The following ATRNL1 variants were observed in gnomAD, a reference collection of about 807,000 sequenced individuals.
The protein encoded by ATRNL1 is attractin-like protein 1.
A neutral mutation model predicts 182.7 loss-of-function variants in ATRNL1; 95 were observed. The observed-to-expected ratio is 0.52, with a 90% CI of 0.44 to 0.62. ATRNL1 has a LOEUF of 0.62. Among genes scored for constraint, ATRNL1 ranks in the 20% least tolerant of loss-of-function variants. The probability of loss-of-function intolerance (pLI) is 0.00; values close to 1 mark genes in which losing one functional copy is unlikely to be tolerated. For synonymous variants in ATRNL1, 576 were observed against 568.3 expected (o/e 1.01, Z -0.19); for missense variants, 1,471 against 1,679.5 (o/e 0.88, Z 2.17).
intron 27 of ATRNL1, chr10:115,820,076 C>A (rs1432483458): frequency 6.6e-6 from 1 of 152,080 alleles, no homozygotes; most frequent in Non-Finnish European, 1.5e-5. Flanking sequence ...CAATATTAGG[C>A]TGCTCTCTTT....
chr10:115,147,481 A>AT (rs1564774008), intron 5 of ATRNL1, among the ~76,000 whole-genome samples: 1 of 151,922 alleles, frequency 6.6e-6, no homozygotes, highest in Non-Finnish European at 1.5e-5. Context: ...ATATAGTCTC[A>AT]TTTGTCTATT....
At chr10:115,256,600 T>C (rs1266413324) in intron 10 of ATRNL1, among the ~76,000 whole-genome samples, 3 of 152,194 alleles carry the variant, frequency 2.0e-5, no homozygotes, top group African/African-American at 7.2e-5. Flanking sequence ...CTGGGATTCA[T>C]TGAGTTTTTG....
chr10:115,600,870 G>GATT (rs1856551641), intron 26 of ATRNL1, among the ~76,000 whole-genome samples: 1 of 149,530 alleles, frequency 6.7e-6, no homozygotes, highest in Non-Finnish European at 1.5e-5. Flanking sequence ...TTGAGTCTAT[G>GATT]ATTAGTTCAA....
At position 115,389,556 on chromosome 10, in the gene ATRNL1, A is replaced by ATG. The variant is rs1200613311; in HGVS notation, c.3176-5102_3176-5101insGT. 3.4e-3 allele frequency among the ~76,000 whole-genome samples: 254 copies of ATG among 75,254 alleles called. 18 individuals carry two copies. The highest frequency in any genetic ancestry group is 0.012 in the Middle Eastern group (2 of 162). The allele number at this position is 75,254 out of a possible 152,430, so 49.4% of individuals were successfully genotyped here. A position where few individuals can be genotyped will look rare whatever the true frequency, so the allele number is the denominator to read the frequency against. On this transcript the variant is annotated intron_variant, in intron 19 of 28. Transcript: ENST00000355044. ...TGTGTATGTGTATATATATATATAT[A>ATG]TATATATATATATATATATATATAT... is the stretch of plus-strand genomic sequence containing the variant.
At chr10:115,600,043 TTG>T (rs1379266722) in intron 26 of ATRNL1, among the ~76,000 whole-genome samples, 2 of 152,136 alleles carry the variant, frequency 1.3e-5, no homozygotes, top group African/African-American at 4.8e-5. Context: ...GGATTTTATT[TTG>T]TCTTTCCCAG....
intron 26 of ATRNL1, among the ~76,000 whole-genome samples, chr10:115,709,742 A>C (rs1234211696): frequency 6.6e-6 from 1 of 151,962 alleles, no homozygotes; most frequent in African/African-American, 2.4e-5. Context: ...TTCTAACCCA[A>C]ATTATTTAAT....
At chr10:115,784,083 T>C (rs913219446) in intron 27 of ATRNL1, among the ~76,000 whole-genome samples, 11 of 152,228 alleles carry the variant, frequency 7.2e-5, no homozygotes, top group African/African-American at 1.9e-4. Flanking sequence ...TTATCTCTTA[T>C]TTGTTTTGTG....
intron 8 of ATRNL1, among the ~76,000 whole-genome samples, chr10:115,177,688 C>G (rs1051517478): frequency 1.3e-5 from 2 of 152,090 alleles, no homozygotes; most frequent in South Asian, 2.1e-4. Context: ...TTCGCCATGC[C>G]TGTCTCGCAC....
intron 21 of ATRNL1, among the ~76,000 whole-genome samples, chr10:115,435,923 C>T (rs1447410501): frequency 2.6e-5 from 4 of 152,008 alleles, no homozygotes; most frequent in Non-Finnish European, 4.4e-5. Context: ...CATAACAGAC[C>T]TTCAGTTATG....
At chr10:115,162,554 A>G (rs1846841652) in intron 6 of ATRNL1, among the ~76,000 whole-genome samples, 1 of 151,380 alleles carries the variant, frequency 6.6e-6, no homozygotes, top group Non-Finnish European at 1.5e-5. Flanking sequence ...TTTGGGAGTC[A>G]TGGGAGGGTT....
intron 26 of ATRNL1, among the ~76,000 whole-genome samples, chr10:115,672,265 A>G (rs1242319140): frequency 1.3e-5 from 2 of 152,092 alleles, no homozygotes; most frequent in Non-Finnish European, 2.9e-5. Flanking sequence ...AAGGAAGCTC[A>G]GGGGTTAAGT....
chr10:115,354,369 T>C (rs1856410899), intron 19 of ATRNL1, among the ~76,000 whole-genome samples: 1 of 152,176 alleles, frequency 6.6e-6, no homozygotes, highest in Admixed American at 6.5e-5. Flanking sequence ...CTCTTCAGCA[T>C]TCATCTGGTG....
chr10:115,853,057 T>A (rs1204803396), intron 28 of ATRNL1, among the ~76,000 whole-genome samples: 3 of 152,136 alleles, frequency 2.0e-5, no homozygotes, highest in African/African-American at 7.2e-5. Context: ...TTTTCCCATG[T>A]GAAAAATGAT....
intron 20 of ATRNL1, among the ~76,000 whole-genome samples, chr10:115,411,262 AATAAATTAAAT>A (rs1308635363): frequency 3.3e-5 from 5 of 150,426 alleles, no homozygotes; most frequent in African/African-American, 1.2e-4. Context: ...CAAATATTTA[AATAAATTAAAT>A]ATTTAAATTT....
intron 24 of ATRNL1, among the ~76,000 whole-genome samples, chr10:115,504,598 A>G (rs1378878506): frequency 6.6e-6 from 1 of 152,126 alleles, no homozygotes; most frequent in East Asian, 1.9e-4. Flanking sequence ...TTTGAAAGGA[A>G]TAAGTATGAA....
In ATRNL1 at chr10:115,533,571, T is replaced by G. The variant is rs1281039988; in HGVS notation, c.3716+14247T>G. Reference sequence around the variant, plus strand: ...AAAACCAGCTCCTGGATTCATTAATTTTTTGAAGGGTTTTTTTGTGTCTCT... The same window carrying G: ...AAAACCAGCTCCTGGATTCATTAATGTTTTGAAGGGTTTTTTTGTGTCTCT... On this transcript the variant is annotated intron_variant, in intron 25 of 28. Transcript: ENST00000355044. Among the ~76,000 whole-genome samples, 3 of 152,204 alleles carry G rather than the reference T, an allele frequency of 2.0e-5. No individual in the cohort carries two copies. The East Asian group carries it at 5.8e-4, about 29-fold the overall frequency.
intron 12 of ATRNL1, among the ~76,000 whole-genome samples, chr10:115,267,840 C>A (rs1012351165): frequency 2.0e-5 from 3 of 152,046 alleles, no homozygotes; most frequent in African/African-American, 7.2e-5. Flanking sequence ...GTGGTGTGAT[C>A]AAACTCTGTC....
chr10:115,661,762 CAATT>C (rs1374693384), intron 26 of ATRNL1, among the ~76,000 whole-genome samples: 11 of 139,322 alleles, frequency 7.9e-5, no homozygotes. Flanking sequence ...GGCTGTGACT[CAATT>C]AAAATTGCAT....
Position 115,265,196 on chromosome 10 carries a change from G to T in ATRNL1, c.1691G>T (p.Cys564Phe). ...TTTTCTGTTTTCTTTTTTCTAGCTTGTGATGAATGGAAAATACTACCAAAA... is the reference window on the plus strand; with the variant it reads ...TTTTCTGTTTTCTTTTTTCTAGCTTTTGATGAATGGAAAATACTACCAAAA... ...SADFLAYDIA[C>F]DEWKILPKPN... The change falls in exon 11 of 29, where the codon TGT becomes TTT. Residue 564 changes from cysteine (C) to phenylalanine (F), a missense_variant. Transcript: ENST00000355044. 1 of 1,595,604 alleles carries T rather than the reference G, an allele frequency of 6.3e-7. No homozygotes were observed. The highest frequency in any genetic ancestry group is 1.7e-5 in the Admixed American group (1 of 59,276).
Sources: allele counts gnomAD v4.1 joint callset (sites outside exome capture counted in the v4.1 genomes callset), GRCh38; gene constraint gnomAD v4.1.1; transcripts MANE v1.5; gene names NCBI Gene and HGNC (gene_info 2026-07-23, HGNC 2026-07-21).